The following PLCE1 variants were observed in gnomAD, a reference collection of about 807,000 sequenced individuals.
PLCE1 encodes phospholipase C epsilon 1.
Under a neutral mutation model 242.8 loss-of-function variants are expected in PLCE1, and 119 were observed. That is an observed-to-expected ratio of 0.49 (90% CI 0.42 to 0.57). The LOEUF (loss-of-function observed/expected upper bound fraction) is 0.57, where lower values mean the gene tolerates loss of function less well. Among genes scored for constraint, PLCE1 ranks in the 20% least tolerant of loss-of-function variants. PLCE1 has a pLI of 0.00. For synonymous variants in PLCE1, 945 were observed against 1,017.4 expected (o/e 0.93, Z 1.35); for missense variants, 2,441 against 2,788.8 (o/e 0.88, Z 2.81).
At chr10:94,149,855 C>T (rs1224302905) in intron 3 of PLCE1, among the ~76,000 whole-genome samples, 5 of 152,096 alleles carry the variant, frequency 3.3e-5, no homozygotes, top group Non-Finnish European at 5.9e-5. Flanking sequence ...GCTGGGCAGT[C>T]GGGTCCCTTC....
intron 2 of PLCE1, among the ~76,000 whole-genome samples, chr10:94,048,183 A>T (rs565693496): frequency 6.6e-6 from 1 of 152,244 alleles, no homozygotes; most frequent in South Asian, 2.1e-4. Flanking sequence ...CAGTTGATGG[A>T]CATTTAGAGT....
intron 4 of PLCE1, among the ~76,000 whole-genome samples, chr10:94,180,954 T>C (rs112505591): frequency 3.7e-4 from 56 of 152,146 alleles, no homozygotes; most frequent in Non-Finnish European, 6.2e-4. Flanking sequence ...CATTACACAG[T>C]GGTATTCTCT....
chr10:94,115,139 T>A (rs2046083147), intron 2 of PLCE1, among the ~76,000 whole-genome samples: 1 of 152,220 alleles, frequency 6.6e-6, no homozygotes, highest in Non-Finnish European at 1.5e-5. Context: ...GGTGTATATA[T>A]GCCACATTTT....
At chr10:94,266,538 A>G (rs2051524109) in intron 16 of PLCE1, among the ~76,000 whole-genome samples, 1 of 152,236 alleles carries the variant, frequency 6.6e-6, no homozygotes, top group Non-Finnish European at 1.5e-5. Flanking sequence ...GAAAAAGTAC[A>G]TCCTTTTGAC....
intron 4 of PLCE1, among the ~76,000 whole-genome samples, chr10:94,172,554 C>A (rs940938999): frequency 6.6e-6 from 1 of 152,100 alleles, no homozygotes; most frequent in Non-Finnish European, 1.5e-5. Flanking sequence ...TGGCAAGGTG[C>A]GGTGGCTCAT....
intron 3 of PLCE1, among the ~76,000 whole-genome samples, chr10:94,160,462 G>A (rs2047573669): frequency 1.3e-5 from 2 of 152,168 alleles, no homozygotes; most frequent in South Asian, 4.2e-4. Context: ...TTTTTGATGG[G>A]GTTGTTTCTT....
intron 4 of PLCE1, among the ~76,000 whole-genome samples, chr10:94,181,295 G>A (rs1310019363): frequency 6.6e-6 from 1 of 152,124 alleles, no homozygotes; most frequent in Non-Finnish European, 1.5e-5. Flanking sequence ...TCCATGGGCC[G>A]GGTGCGGTGG....
intron 4 of PLCE1, among the ~76,000 whole-genome samples, chr10:94,178,486 C>T (rs2048193201): frequency 1.3e-5 from 2 of 152,176 alleles, no homozygotes; most frequent in African/African-American, 4.8e-5. Flanking sequence ...TCTTGGGCAG[C>T]CCAAAGTGAC....
At chr10:94,185,193 T>C (rs2048435706) in intron 4 of PLCE1, among the ~76,000 whole-genome samples, 1 of 152,196 alleles carries the variant, frequency 6.6e-6, no homozygotes, top group Non-Finnish European at 1.5e-5. Context: ...GGAAAGAGTA[T>C]AATTCCATCA....
chr10:94,039,324 G>T (rs1202358839), intron 2 of PLCE1, among the ~76,000 whole-genome samples: 3 of 151,986 alleles, frequency 2.0e-5, no homozygotes, highest in Non-Finnish European at 2.9e-5. Flanking sequence ...GTTTTCCAAA[G>T]CAGCTGCACA....
rs1000757951 is a variant in PLCE1, at chr10:94,138,394, G to A, written c.1492+5935G>A. The A allele has an allele frequency of 7.4e-6, 3 of 406,592 alleles. No homozygotes were observed. In the Admixed American group the frequency reaches 8.3e-5, roughly 11 times the overall value. 25.2% of individuals were successfully genotyped at this position (406,592 alleles called of 1,614,324 possible). ...ACTTCCCAGGAACTGGGGACCTATG[G>A]GATATTGGGGCTGGAAAAGGCAAGT... On this transcript the variant is annotated intron_variant, in intron 3 of 32. Coordinates refer to ENST00000371380, the MANE Select transcript of PLCE1 (RefSeq NM_016341.4).
rs184469357 is a variant in PLCE1, at chr10:94,003,305, A to G, written c.-365+9047A>G. 1.8e-3 allele frequency among the ~76,000 whole-genome samples: 276 copies of G among 152,330 alleles called. 1 individual carries two copies. Among genetic ancestry groups the G allele is most frequent in the Non-Finnish European group, 2.5e-3 (173 of 68,016 alleles). Reference sequence around the variant, plus strand: ...TAAATTACTTTGAAGAAGTAGTTTTATATTCCGGGATTTAAGCAAAAGATG... The same window carrying G: ...TAAATTACTTTGAAGAAGTAGTTTTGTATTCCGGGATTTAAGCAAAAGATG... On this transcript the variant is annotated intron_variant, in intron 1 of 32. Transcript: ENST00000371380.
At chr10:94,217,859 C>A (rs2049583648) in intron 4 of PLCE1, among the ~76,000 whole-genome samples, 1 of 152,018 alleles carries the variant, frequency 6.6e-6, no homozygotes, top group Non-Finnish European at 1.5e-5. Flanking sequence ...AACATGTTCT[C>A]TACCCTCAAG....
At position 94,171,254 on chromosome 10, in the gene PLCE1, A is replaced by G. The variant is rs61751494; in HGVS notation, c.1567A>G (p.Ile523Val). Reference sequence around the variant, plus strand: ...TTCAGCTGGGATCAGCAAGGAGCTGATCGATCTGCAGCCTCTCATCCAGTT... The same window carrying G: ...TTCAGCTGGGATCAGCAAGGAGCTGGTCGATCTGCAGCCTCTCATCCAGTT... ...SSSAGISKEL[I>V]DLQPLIQFPE... Residue 523 changes from isoleucine to valine, a missense_variant, in exon 4 of 33, where the codon ATC becomes GTC. By Grantham distance (29) the Ile-to-Val change is conservative (BLOSUM62 3). This residue lies in a region of PLCE1 where 733 missense variants were observed against 754.2 expected (regional missense o/e 0.97). Coordinates refer to ENST00000371380, the MANE Select transcript of PLCE1 (RefSeq NM_016341.4). 4,519 of 1,614,178 alleles carry G rather than the reference A, an allele frequency of 2.8e-3. 8 individuals carry two copies. The highest frequency in any genetic ancestry group is 3.3e-3 in the Non-Finnish European group (3,882 of 1,180,006).
In PLCE1 at chr10:94,324,982, T is replaced by C; in HGVS notation, c.6811T>C (p.Ser2271Pro). 6.2e-7 allele frequency: 1 copy of C among 1,614,106 alleles called. No homozygotes were observed. The highest frequency in any genetic ancestry group is 8.5e-7 in the Non-Finnish European group (1 of 1,179,982). Reference protein sequence around the residue: ...KSTKQPRGLTSPSQLLTSESI... With the variant: ...KSTKQPRGLTPPSQLLTSESI... Reference sequence around the variant, plus strand: ...AACTAAACAGCCCCGAGGACTTACATCACCTTCTCAGCTCTTGACCTCAGA... The same window carrying C: ...AACTAAACAGCCCCGAGGACTTACACCACCTTCTCAGCTCTTGACCTCAGA... Residue 2271 changes from serine to proline, a missense_variant, in exon 32 of 33, where the codon TCA becomes CCA. Ser to Pro is a moderately conservative substitution (Grantham distance 74). This residue lies in a region of PLCE1 where 310 missense variants were observed against 317.2 expected (regional missense o/e 0.98). Coordinates refer to ENST00000371380, the MANE Select transcript of PLCE1 (RefSeq NM_016341.4).
chr10:94,087,371 GAAA>G (rs2044871103), intron 2 of PLCE1, among the ~76,000 whole-genome samples: 1 of 128,974 alleles, frequency 7.8e-6, no homozygotes, highest in South Asian at 2.5e-4. Context: ...AAAAAAAAAA[GAAA>G]AATCATTTAT....
intron 4 of PLCE1, among the ~76,000 whole-genome samples, chr10:94,223,052 C>T (rs764421469): frequency 6.6e-6 from 1 of 151,938 alleles, no homozygotes; most frequent in Non-Finnish European, 1.5e-5. Flanking sequence ...AGGGCAGGAT[C>T]CTGATGGCAT....
intron 4 of PLCE1, among the ~76,000 whole-genome samples, chr10:94,192,302 A>G (rs1423027640): frequency 6.6e-6 from 1 of 152,184 alleles, no homozygotes; most frequent in Non-Finnish European, 1.5e-5. Flanking sequence ...GGTAGTGAGC[A>G]TAGTACCCAA....
intron 4 of PLCE1, among the ~76,000 whole-genome samples, chr10:94,195,361 A>T (rs561486207): frequency 6.6e-6 from 1 of 152,196 alleles, no homozygotes; most frequent in African/African-American, 2.4e-5. Flanking sequence ...GGAGTTTGTG[A>T]TTTGGGGACT....
Sources: allele counts gnomAD v4.1 joint callset (sites outside exome capture counted in the v4.1 genomes callset), GRCh38; gene constraint gnomAD v4.1.1; regional missense constraint gnomAD v4.1.1; transcripts MANE v1.5; gene names NCBI Gene and HGNC (gene_info 2026-07-23, HGNC 2026-07-21).